SGCZ: variants seen among roughly 807,000 people sequenced by gnomAD.
SGCZ encodes sarcoglycan zeta, also known as zeta-sarcoglycan.
SGCZ carries 40 observed loss-of-function variants against 41.3 expected under a neutral mutation model. The ratio of observed to expected loss-of-function variants is 0.97; its 90% confidence interval spans 0.75 to 1.26. The LOEUF (loss-of-function observed/expected upper bound fraction) is 1.26. SGCZ is among the 50% of genes most tolerant of loss of function. The pLI, the probability that SGCZ is intolerant of heterozygous loss-of-function variation, is 0.00. For missense variants in SGCZ, 552 were observed against 369.8 expected (o/e 1.49, Z -4.04); for synonymous variants, 206 against 137.5 (o/e 1.50, Z -3.49).
At chr8:14,500,746 T>TTAG (rs1279007653) in intron 2 of SGCZ, among the ~76,000 whole-genome samples, 1 of 152,056 alleles carries the variant, frequency 6.6e-6, no homozygotes, top group Middle Eastern at 3.2e-3. Context: ...CAAGTAAATT[T>TTAG]TAGTAGTATA....
intron 1 of SGCZ, among the ~76,000 whole-genome samples, chr8:14,615,827 A>G (rs1339767900): frequency 6.6e-6 from 1 of 152,226 alleles, no homozygotes; most frequent in Non-Finnish European, 1.5e-5. Context: ...TTGAACTATT[A>G]CATGTGCAAG....
In SGCZ at chr8:14,216,196, C is replaced by A. The variant is rs143542243; in HGVS notation, c.424+21396G>T. The stretch of plus-strand genomic sequence containing the variant: ...CTTATCTAGATCAGTTTCTTTACAT[C>A]CCCTTGTTATCTAACCTAAGCTCTT... On this transcript the variant is annotated intron_variant, in intron 4 of 7. Coordinates refer to ENST00000382080, the MANE Select transcript of SGCZ (RefSeq NM_139167.4). Among the ~76,000 whole-genome samples the A allele has an allele frequency of 6.1e-3, 932 of 152,262 alleles. 11 individuals are homozygous for A. Among genetic ancestry groups the A allele is most frequent in the African/African-American group, 0.022 (904 of 41,552 alleles).
At chr8:14,362,888 G>C (rs1803576451) in intron 2 of SGCZ, among the ~76,000 whole-genome samples, 2 of 152,162 alleles carry the variant, frequency 1.3e-5, no homozygotes, top group Admixed American at 6.5e-5. Context: ...TGCAAATATA[G>C]TATTATTGAG....
chr8:14,661,608 A>G (rs1563186043), intron 1 of SGCZ, among the ~76,000 whole-genome samples: 2 of 152,232 alleles, frequency 1.3e-5, no homozygotes, highest in South Asian at 4.1e-4. Context: ...GACTCAACAT[A>G]AATCAGTAGC....
intron 1 of SGCZ, among the ~76,000 whole-genome samples, chr8:14,594,304 G>C (rs1308422028): frequency 6.6e-6 from 1 of 151,912 alleles, no homozygotes; most frequent in Non-Finnish European, 1.5e-5. Context: ...TCTTTATCAA[G>C]TTTGGGGATG....
At chr8:14,743,378 G>C (rs977358302) in intron 1 of SGCZ, among the ~76,000 whole-genome samples, 5 of 151,768 alleles carry the variant, frequency 3.3e-5, no homozygotes, top group African/African-American at 1.2e-4. Flanking sequence ...TTCATGTTTT[G>C]AACAGTTTTA....
chr8:14,840,061 C>T lies in SGCZ; in HGVS notation c.40-285135G>A, dbSNP rs137936944. On this transcript the variant is annotated intron_variant, in intron 1 of 7. Transcript: ENST00000382080. ...GGAGAAACCAAACAACACCCTTAGTCGTAACATTTAAATTAATAAAACACT... is the reference window on the plus strand; with the variant it reads ...GGAGAAACCAAACAACACCCTTAGTTGTAACATTTAAATTAATAAAACACT... Among the ~76,000 whole-genome samples, 20 of 152,020 alleles carry T rather than the reference C, an allele frequency of 1.3e-4. 2 individuals carry two copies. In the East Asian group the frequency reaches 3.1e-3, roughly 24 times the overall value.
rs148196030 is a variant in SGCZ at position 14,424,645 on chromosome 8, T to C, written c.235-100441A>G. On this transcript the variant is annotated intron_variant, in intron 2 of 7. Transcript: ENST00000382080. ...TTGTCATTTTTACGTCAGTGCATAT[T>C]TACATGCATGCCGTTATTTTCATAT... is the stretch of plus-strand genomic sequence containing the variant. 3.2e-4 allele frequency among the ~76,000 whole-genome samples: 48 copies of C among 152,274 alleles called. No individual in the cohort carries two copies. In the East Asian group the frequency reaches 9.2e-3, roughly 29 times the overall value.
rs184089231 is a variant in SGCZ at position 14,438,280 on chromosome 8, T to C, written c.235-114076A>G. 5.3e-4 allele frequency among the ~76,000 whole-genome samples: 81 copies of C among 152,154 alleles called. 1 individual carries two copies. The highest frequency in any genetic ancestry group is 1.7e-3 in the African/African-American group (71 of 41,568). On this transcript the variant is annotated intron_variant, in intron 2 of 7. Coordinates refer to ENST00000382080, the MANE Select transcript of SGCZ (RefSeq NM_139167.4). ...GGAATTCTCTTATTTTATATATTCA[T>C]AATTTTAGAAGAAAAAGGTCAATAG...
At position 14,302,286 on chromosome 8, in the gene SGCZ, T is replaced by C. The variant is rs1383045835; in HGVS notation, c.336+21817A>G. Among the ~76,000 whole-genome samples, 3 of 152,212 alleles carry C rather than the reference T, an allele frequency of 2.0e-5. No individual in the cohort carries two copies. In the East Asian group the frequency reaches 5.8e-4, roughly 29 times the overall value. On this transcript the variant is annotated intron_variant, in intron 3 of 7. Coordinates refer to ENST00000382080, the MANE Select transcript of SGCZ (RefSeq NM_139167.4). ...CAAAAACACTGGATATTTGAAATTT[T>C]CTCTTGAATTGATTGAACACGTAAT...
At chr8:14,339,276 G>T (rs1464180258) in intron 2 of SGCZ, among the ~76,000 whole-genome samples, 1 of 152,178 alleles carries the variant, frequency 6.6e-6, no homozygotes, top group East Asian at 1.9e-4. Flanking sequence ...ATCTAATTTG[G>T]TTTACACCTG....
chr8:14,164,529 G>C (rs759756735), intron 5 of SGCZ, 51 bp downstream of exon 5: 15 of 1,605,810 alleles, frequency 9.3e-6, no homozygotes, highest in Non-Finnish European at 1.2e-5. Context: ...TTGTGCAGTT[G>C]TATATTCTTT....
At chr8:14,879,556 C>A (rs1804498468) in intron 1 of SGCZ, among the ~76,000 whole-genome samples, 2 of 150,422 alleles carry the variant, frequency 1.3e-5, no homozygotes, top group South Asian at 4.2e-4. Context: ...CCAGGAGGGG[C>A]TATGTCAATG....
At chr8:14,693,998 A>C (rs1808882548) in intron 1 of SGCZ, among the ~76,000 whole-genome samples, 1 of 152,206 alleles carries the variant, frequency 6.6e-6, no homozygotes, top group African/African-American at 2.4e-5. Context: ...AGGTAATTAC[A>C]ATTCTATTTT....
intron 1 of SGCZ, among the ~76,000 whole-genome samples, chr8:15,220,141 G>GA (rs1189889037): frequency 2.6e-5 from 4 of 151,864 alleles, no homozygotes; most frequent in South Asian, 2.1e-4. Flanking sequence ...TGAAATAATA[G>GA]AAAAAAAGCA....
chr8:14,139,018 G>A (rs1216886356), intron 5 of SGCZ, among the ~76,000 whole-genome samples: 1 of 152,096 alleles, frequency 6.6e-6, no homozygotes, highest in East Asian at 1.9e-4. Context: ...AATCAAATTA[G>A]AACTCAGGAT....
At chr8:14,431,094 T>C (rs1412106684) in intron 2 of SGCZ, among the ~76,000 whole-genome samples, 1 of 152,190 alleles carries the variant, frequency 6.6e-6, no homozygotes, top group Admixed American at 6.5e-5. Flanking sequence ...GAATCAATAT[T>C]GTGAAAATGA....
intron 2 of SGCZ, among the ~76,000 whole-genome samples, chr8:14,514,434 A>C (rs1015053895): frequency 6.6e-6 from 1 of 151,948 alleles, no homozygotes; most frequent in Non-Finnish European, 1.5e-5. Flanking sequence ...TAACTTAGAG[A>C]ATTAGTGTAA....
chr8:15,051,784 A>G (rs1804523360), intron 1 of SGCZ, among the ~76,000 whole-genome samples: 1 of 152,174 alleles, frequency 6.6e-6, no homozygotes, highest in African/African-American at 2.4e-5. Context: ...TAATTATACT[A>G]TGCATGTGGG....
Sources: allele counts gnomAD v4.1 joint callset (sites outside exome capture counted in the v4.1 genomes callset), GRCh38; gene constraint gnomAD v4.1.1; transcripts MANE v1.5; gene names NCBI Gene and HGNC (gene_info 2026-07-23, HGNC 2026-07-21).